DNAH7: variants seen among roughly 807,000 people sequenced by gnomAD.
The protein encoded by DNAH7 is dynein axonemal heavy chain 7, also known as axonemal beta dynein heavy chain 7.
DNAH7 carries 397 observed loss-of-function variants against 444.6 expected under a neutral mutation model. That is an observed-to-expected ratio of 0.89 (90% confidence interval 0.82 to 0.97). The LOEUF (loss-of-function observed/expected upper bound fraction) is 0.97. Ranked by LOEUF, DNAH7 falls within the 50% of genes least tolerant of loss-of-function variation. The pLI, the probability that DNAH7 is intolerant of heterozygous loss-of-function variation, is 0.00. For missense variants in DNAH7, 4,902 were observed against 4,800.8 expected (o/e 1.02, Z -0.62); for synonymous variants, 1,636 against 1,624.4 (o/e 1.01, Z -0.17).
intron 63 of DNAH7, among the ~76,000 whole-genome samples, chr2:195,742,171 G>A (rs1693082616): frequency 6.6e-6 from 1 of 152,192 alleles, no homozygotes; most frequent in African/African-American, 2.4e-5. Context: ...CGTGAGGGGA[G>A]AGATGGGTCT....
intron 47 of DNAH7, among the ~76,000 whole-genome samples, chr2:195,837,509 T>C (rs1370475437): frequency 2.6e-5 from 4 of 152,192 alleles, no homozygotes; most frequent in African/African-American, 7.2e-5. Context: ...GTGAGTTTTC[T>C]AAGTTTCTTC....
intron 2 of DNAH7, among the ~76,000 whole-genome samples, chr2:196,052,411 TAA>T (rs1307775307): frequency 2.0e-5 from 3 of 152,224 alleles, no homozygotes; most frequent in Non-Finnish European, 4.4e-5. Flanking sequence ...GAGATGTGTT[TAA>T]GTTTAAAATA....
At chr2:195,776,009 A>G (rs1456139135) in intron 59 of DNAH7, 26 bp from the exon 60 acceptor site, 1 of 1,608,930 alleles carries the variant, frequency 6.2e-7, no homozygotes, top group East Asian at 2.2e-5. Context: ...ACAAGAAGTC[A>G]GGAGGTTAGA....
Position 195,897,669 on chromosome 2 carries a change from C to G in DNAH7, c.4645G>C (p.Glu1549Gln). 2 of 1,564,326 alleles carry G rather than the reference C, an allele frequency of 1.3e-6. No individual in the cohort carries two copies. Among genetic ancestry groups the G allele is most frequent in the Non-Finnish European group, 1.7e-6 (2 of 1,143,222 alleles). The change falls in exon 29 of 65, where the codon GAG (glutamate) becomes CAG (glutamine). Residue 1549 changes from glutamate (E) to glutamine (Q), a missense_variant and splice_region_variant. By Grantham distance (29) the Glu-to-Gln change is conservative. Transcript: ENST00000312428. ...ATTGGGATAATGAATGTTCTTACCT[C>G]AAAGAGTGGTAAATCATGGGATAAA... ...KFLSHDLPLF[E>Q]GITSDLFPGV...
rs564060326 is a variant in DNAH7, at chr2:195,876,605, A to C, written c.6056T>G (p.Val2019Gly). ...QTTAAQTQNI[V>G]MSKLDKRRKG... The stretch of plus-strand genomic sequence containing the variant: ...TCTTCTCTTGTCCAATTTTGACATG[A>C]CAATATTCTGAGTTTGAGCTGCTGT... Residue 2019 changes from valine (V) to glycine (G), a missense_variant, in exon 37 of 65, where the codon GTC (valine) becomes GGC (glycine). Val to Gly is a moderately radical substitution (Grantham distance 109). Transcript: ENST00000312428. 1 of 1,613,852 alleles carries C rather than the reference A, an allele frequency of 6.2e-7. No individual in the cohort carries two copies. Among genetic ancestry groups the C allele is most frequent in the South Asian group, 1.1e-5 (1 of 91,062 alleles).
chr2:195,740,640 T>C lies in DNAH7; in HGVS notation c.11868+126A>G, dbSNP rs1370216245. On this transcript the variant is annotated intron_variant, in intron 64 of 64. Transcript: ENST00000312428. ...GTATATATATATATATATATATATA[T>C]ATATACATATACACACACACATATG... 5.0e-3 allele frequency: 456 copies of C among 91,442 alleles called. 7 individuals are homozygous for C. Among genetic ancestry groups the C allele is most frequent in the African/African-American group, 0.03 (420 of 14,212 alleles). The allele number at this position is 91,442 out of a possible 1,614,324, so 5.7% of individuals were successfully genotyped here. A position where few individuals can be genotyped will look rare whatever the true frequency, so the allele number is the denominator to read the frequency against.
At chr2:195,899,366 A>G (rs979412461) in intron 28 of DNAH7, among the ~76,000 whole-genome samples, 1 of 152,210 alleles carries the variant, frequency 6.6e-6, no homozygotes, top group Non-Finnish European at 1.5e-5. Flanking sequence ...TAATAGCTCA[A>G]TTCCATAGTC....
At chr2:195,742,528 T>TA (rs1693107587) in intron 63 of DNAH7, among the ~76,000 whole-genome samples, 1 of 152,218 alleles carries the variant, frequency 6.6e-6, no homozygotes, top group Admixed American at 6.5e-5. Flanking sequence ...ATAGGAGATA[T>TA]AATGAGAATC....
At chr2:195,798,028 A>G (rs1461431693) in intron 55 of DNAH7, among the ~76,000 whole-genome samples, 1 of 152,188 alleles carries the variant, frequency 6.6e-6, no homozygotes, top group African/African-American at 2.4e-5. Flanking sequence ...GGACAAGTTC[A>G]CCTATTTATA....
chr2:196,049,988 T>C (rs1697366800), intron 3 of DNAH7, among the ~76,000 whole-genome samples: 1 of 152,232 alleles, frequency 6.6e-6, no homozygotes, highest in Non-Finnish European at 1.5e-5. Flanking sequence ...TACAATAATT[T>C]GCCATTATCA....
intron 31 of DNAH7, among the ~76,000 whole-genome samples, chr2:195,890,252 C>T (rs959282220): frequency 6.6e-5 from 10 of 152,304 alleles, no homozygotes; most frequent in African/African-American, 1.9e-4. Flanking sequence ...AGCCACAGCT[C>T]GGTGATCATC....
chr2:195,881,133 A>G (rs1478588389), intron 36 of DNAH7, among the ~76,000 whole-genome samples: 2 of 152,218 alleles, frequency 1.3e-5, no homozygotes, highest in Non-Finnish European at 2.9e-5. Flanking sequence ...TCTTTTATGA[A>G]AGAGATTATT....
In DNAH7 at chr2:195,886,266, A is replaced by G; in HGVS notation, c.5413T>C (p.Ser1805Pro). 1.2e-6 allele frequency: 2 copies of G among 1,611,032 alleles called. No homozygotes were observed. The highest frequency in any genetic ancestry group is 1.1e-5 in the South Asian group (1 of 90,020). ...EFIRKHTKEL[S>P]PTSDTNLVRS... ...ACCAAGTTTGTATCGGAAGTAGGAG[A>G]TAATTCCTGAAAAGTCAGTAAGAAA... The change falls in exon 34 of 65, where the codon TCT (serine) becomes CCT (proline). Residue 1805 changes from serine (S) to proline (P), a missense_variant. Coordinates refer to ENST00000312428, the MANE Select transcript of DNAH7 (RefSeq NM_018897.3).
intron 2 of DNAH7, among the ~76,000 whole-genome samples, chr2:196,057,140 G>T (rs954640181): frequency 3.3e-5 from 5 of 152,084 alleles, no homozygotes; most frequent in Non-Finnish European, 7.4e-5. Flanking sequence ...TTAAATAAAT[G>T]AATGTTTTTA....
intron 54 of DNAH7, among the ~76,000 whole-genome samples, chr2:195,804,866 A>C (rs1696633902): frequency 6.6e-6 from 1 of 152,166 alleles, no homozygotes; most frequent in Non-Finnish European, 1.5e-5. Context: ...AAAATGGGGA[A>C]ACTGTAGAGG....
chr2:195,770,561 G>A (rs150663629), intron 61 of DNAH7, among the ~76,000 whole-genome samples: 378 of 152,008 alleles, frequency 2.5e-3, no homozygotes, highest in Non-Finnish European at 4.4e-3. Flanking sequence ...TCCCTGAAAC[G>A]TTCCATGGAT....
chr2:195,738,080 A>G lies in DNAH7; in HGVS notation c.11916T>C (p.Ser3972=). Residue 3972 remains serine (S), a synonymous_variant, in exon 65 of 65, where the codon AGT becomes AGC. Coordinates refer to ENST00000312428, the MANE Select transcript of DNAH7 (RefSeq NM_018897.3). ...CKRADIPKRP[S]YVAPLYKTSE... ...TTGTCTTATACAATGGAGCAACATA[A>G]CTTGGCCGTTTTGGTATATCTGCCC... The G allele has an allele frequency of 6.2e-7, 1 of 1,613,926 alleles. No homozygotes were observed. The highest frequency in any genetic ancestry group is 8.5e-7 in the Non-Finnish European group (1 of 1,179,846).
chr2:195,931,450 G>T (rs1450831490), intron 21 of DNAH7, among the ~76,000 whole-genome samples: 1 of 151,786 alleles, frequency 6.6e-6, no homozygotes, highest in Non-Finnish European at 1.5e-5. Flanking sequence ...GTCAATTTTG[G>T]CTTTTGTTGC....
At position 195,907,004 on chromosome 2, in the gene DNAH7, C is replaced by A. The variant is rs1401623630; in HGVS notation, c.4110G>T (p.Leu1370=). ...AGCAAGCCCAGGCTCCACAAGATAA[C>A]AGTCCCTATGAGAAAAGAGTAATGA... ...YLALGKFFKG[L]LSCGAWACFD... Residue 1370 remains leucine (L), a synonymous_variant, in exon 26 of 65, where the codon CTG becomes CTT. Transcript: ENST00000312428. 1.1e-5 allele frequency: 17 copies of A among 1,611,088 alleles called. No individual in the cohort carries two copies. Among genetic ancestry groups the A allele is most frequent in the Non-Finnish European group, 1.4e-5 (17 of 1,178,600 alleles).
Sources: gnomAD v4.1 joint callset for allele counts (sites outside exome capture counted in the v4.1 genomes callset) on GRCh38, gnomAD v4.1.1 for gene constraint, MANE v1.5 for transcripts, NCBI Gene and HGNC (gene_info 2026-07-23, HGNC 2026-07-21) for gene names.